The following SH3BP1 variants were observed in gnomAD, a reference collection of about 807,000 sequenced individuals.
SH3BP1 encodes the protein SH3 domain binding protein 1, also known as SH3 domain-binding protein 1.
Under a neutral mutation model 69.8 loss-of-function variants are expected in SH3BP1, and 46 were observed. That is an observed-to-expected ratio of 0.66 (90% CI 0.52 to 0.84). The LOEUF (loss-of-function observed/expected upper bound fraction) is 0.84. Among genes scored for constraint, SH3BP1 ranks in the 40% least tolerant of loss-of-function variants. The pLI, the probability that SH3BP1 is intolerant of heterozygous loss-of-function variation, is 0.00. For synonymous variants in SH3BP1, 403 were observed against 378.0 expected, an observed-to-expected ratio of 1.07 and a Z score of -0.77; for missense variants, 868 against 930.9, an observed-to-expected ratio of 0.93 and a Z score of 0.88.
Position 37,641,449 on chromosome 22 carries a change from C to T in SH3BP1, c.178C>T (p.Gln60Ter), listed in dbSNP as rs1426811096. ...HKRLQACLQG[Q>*]SGADMDKRVK... is the part of the protein sequence containing the mutation. ...GCGGCTGCAGGCCTGTCTGCAGGGC[C>T]AGAGCGGGGCAGACATGGACAAGCG... is the stretch of plus-strand genomic sequence containing the variant. The change falls in exon 3 of 18, where the codon CAG becomes TAG. Residue 60 changes from glutamine (Q) to a stop codon, truncating the protein, a stop_gained. Transcript: ENST00000649765. LOFTEE classifies it high-confidence loss of function. 6.4e-7 allele frequency: 1 copy of T among 1,551,106 alleles called. No individual in the cohort carries two copies. Among genetic ancestry groups the T allele is most frequent in the South Asian group, 1.2e-5 (1 of 84,060 alleles).
rs1182032777 is a variant in SH3BP1, at chr22:37,644,702, T to C, written c.684T>C (p.Ile228=). Residue 228 remains isoleucine (I), a synonymous_variant, in exon 8 of 18, where the codon ATT becomes ATC. Coordinates refer to ENST00000649765, the MANE Select transcript of SH3BP1 (RefSeq NM_018957.6). ...AGGACTCCTATGCCAACTACTTCAT[T>C]CGTGTGAGTCCAAGACCGGGCCCCA... ...TKEDSYANYF[I]RLLEIQADYH... is the part of the protein sequence containing the mutation. 6.2e-7 allele frequency: 1 copy of C among 1,614,040 alleles called. No homozygotes were observed. The highest frequency in any genetic ancestry group is 1.3e-5 in the African/African-American group (1 of 74,912).
At chr22:37,651,351 T>C (rs1056605347) in intron 16 of SH3BP1, among the ~76,000 whole-genome samples, 4 of 150,728 alleles carry the variant, frequency 2.7e-5, no homozygotes, top group East Asian at 3.9e-4. Context: ...TTTTTTTTTT[T>C]CTGAGATGGA....
chr22:37,654,701 TGAGA>T (rs1235553014), intron 17 of SH3BP1, among the ~76,000 whole-genome samples: 2 of 151,952 alleles, frequency 1.3e-5, no homozygotes, highest in African/African-American at 4.8e-5. Flanking sequence ...GCTGACCAGG[TGAGA>T]GAGTGACTGA....
At position 37,655,298 on chromosome 22, in the gene SH3BP1, A is replaced by G; in HGVS notation, c.1720A>G (p.Thr574Ala). 1 of 1,565,938 alleles carries G rather than the reference A, an allele frequency of 6.4e-7. No homozygotes were observed. Among genetic ancestry groups the G allele is most frequent in the Non-Finnish European group, 8.6e-7 (1 of 1,159,524 alleles). Residue 574 changes from threonine (T) to alanine (A), a missense_variant, in exon 18 of 18, where the codon ACC becomes GCC. Thr to Ala is a moderately conservative substitution (Grantham distance 58, BLOSUM62 0). Around this residue, in one of 3 missense-constraint regions of SH3BP1, gnomAD observed 474 missense variants for 462.3 expected, o/e 1.03. Coordinates refer to ENST00000649765, the MANE Select transcript of SH3BP1 (RefSeq NM_018957.6). Reference protein sequence around the residue: ...RTKRPAPARPTMPPPQVSGSR... With the variant: ...RTKRPAPARPAMPPPQVSGSR... The stretch of plus-strand genomic sequence containing the variant: ...CAAGCGCCCGGCGCCAGCCCGGCCC[A>G]CCATGCCGCCCCCCCAGGTCTCCGG...
At chr22:37,643,854 G>A (rs952370101) in intron 7 of SH3BP1, 66 bp downstream of exon 7, 3 of 1,587,174 alleles carry the variant, frequency 1.9e-6, no homozygotes, top group Admixed American at 3.4e-5. Context: ...CCATCTCACA[G>A]GCAAGGAAGC....
intron 11 of SH3BP1, 87 bp from the exon 12 acceptor site, chr22:37,647,180 G>A: frequency 1.7e-6 from 2 of 1,199,872 alleles, no homozygotes; most frequent in Non-Finnish European, 2.5e-6. Flanking sequence ...ACACGTTAGT[G>A]TGAACAAGGG....
chr22:37,645,277 C>T (rs1436093993), intron 9 of SH3BP1, 88 bp from the exon 10 acceptor site: 14 of 1,482,530 alleles, frequency 9.4e-6, no homozygotes, highest in Non-Finnish European at 1.2e-5. Context: ...GCAGGTGGTA[C>T]CACCTTGAGG....
At position 37,647,511 on chromosome 22, in the gene SH3BP1, A is replaced by G. The variant is rs1932805762; in HGVS notation, c.1189A>G (p.Ser397Gly). 6.2e-7 allele frequency: 1 copy of G among 1,603,194 alleles called. No individual in the cohort carries two copies. The change falls in exon 13 of 18, where the codon AGC (serine) becomes GGC (glycine). Residue 397 changes from serine to glycine, a missense_variant. By Grantham distance (56) the Ser-to-Gly change is moderately conservative. Around this residue, in one of 3 missense-constraint regions of SH3BP1, gnomAD observed 474 missense variants for 462.3 expected, o/e 1.03. Coordinates refer to ENST00000649765, the MANE Select transcript of SH3BP1 (RefSeq NM_018957.6). Reference sequence around the variant, plus strand: ...CAGCCGCCTACCCCCCGAGAACCTCAGCAACCTCAGGTGAGCCCGAGCCCG... The same window carrying G: ...CAGCCGCCTACCCCCCGAGAACCTCGGCAACCTCAGGTGAGCCCGAGCCCG... ...VCSRLPPENLSNLRYLMKFLA... is the reference protein window; with the variant it reads ...VCSRLPPENLGNLRYLMKFLA...
In SH3BP1 at chr22:37,655,413, G is replaced by A; in HGVS notation, c.1835G>A (p.Ser612Asn). ...GCCCTGCCCCGACGTCTGGTTGGCA[G>A]CAGCCTCCGAGCCCCCACAGTGCCA... ...PQALPRRLVG[S>N]SLRAPTVPPP... The change falls in exon 18 of 18, where the codon AGC becomes AAC. Residue 612 changes from serine to asparagine, a missense_variant. By Grantham distance (46) the Ser-to-Asn change is conservative. Coordinates refer to ENST00000649765, the MANE Select transcript of SH3BP1 (RefSeq NM_018957.6). The A allele has an allele frequency of 1.4e-6, 2 of 1,443,482 alleles. No homozygotes were observed. The highest frequency in any genetic ancestry group is 9.2e-7 in the Non-Finnish European group (1 of 1,083,968). The allele number at this position is 1,443,482 out of a possible 1,614,324, so 89.4% of individuals were successfully genotyped here.
At chr22:37,646,685 C>G in intron 10 of SH3BP1, 133 bp from the exon 11 acceptor site, 1 of 467,406 alleles carries the variant, frequency 2.1e-6, no homozygotes, top group Non-Finnish European at 3.7e-6. Context: ...ACCGTGGTGC[C>G]CACACTGCCA....
chr22:37,643,474 G>A (rs1932688861), intron 6 of SH3BP1, 170 bp from the exon 7 acceptor site: 2 of 910,794 alleles, frequency 2.2e-6, no homozygotes, highest in Admixed American at 5.2e-5. Flanking sequence ...GCCACCAGGG[G>A]GCAACCCAGA....
At chr22:37,644,549 G>A in intron 7 of SH3BP1, 88 bp from the exon 8 acceptor site, 2 of 1,267,886 alleles carry the variant, frequency 1.6e-6, no homozygotes, top group Non-Finnish European at 2.3e-6. Context: ...TGTGGCCTGG[G>A]GGAGGTCACC....
chr22:37,641,210 A>G (rs1601579851), intron 2 of SH3BP1, 42 bp downstream of exon 2: 2 of 1,540,452 alleles, frequency 1.3e-6, no homozygotes, highest in South Asian at 1.2e-5. Flanking sequence ...AGGCCTGTGC[A>G]GGCTGTCTCG....
At chr22:37,645,085 A>G (rs1367415111) in intron 9 of SH3BP1, 125 bp downstream of exon 9, 6 of 942,262 alleles carry the variant, frequency 6.4e-6, no homozygotes, top group Non-Finnish European at 8.1e-6. Context: ...GCTAGGCTCA[A>G]TCTGTGATGG....
In SH3BP1 at chr22:37,644,931, C is replaced by A. The variant is rs573023753; in HGVS notation, c.749C>A (p.Ala250Asp). 6.2e-7 allele frequency: 1 copy of A among 1,614,016 alleles called. No individual in the cohort carries two copies. Among genetic ancestry groups the A allele is most frequent in the South Asian group, 1.1e-5 (1 of 91,082 alleles). Residue 250 changes from alanine to aspartate, a missense_variant, in exon 9 of 18, where the codon GCT becomes GAT. Around this residue, in one of 3 missense-constraint regions of SH3BP1, gnomAD observed 387 missense variants for 447.9 expected, o/e 0.86. Coordinates refer to ENST00000649765, the MANE Select transcript of SH3BP1 (RefSeq NM_018957.6). Reference protein sequence around the residue: ...RSLSSLDTALAELRENHGQAD... With the variant: ...RSLSSLDTALDELRENHGQAD... ...CTGAGCTCGCTGGACACAGCCCTGG[C>A]TGAGCTGAGGGAGAACCACGGCCAA...
In SH3BP1 at chr22:37,642,398, C is replaced by T. The variant is rs921047978; in HGVS notation, c.208-141C>T. 7 of 722,716 alleles carry T rather than the reference C, an allele frequency of 9.7e-6. No individual in the cohort carries two copies. In the East Asian group the frequency reaches 1.9e-4, roughly 20 times the overall value. The allele number at this position is 722,716 out of a possible 1,614,324, so 44.8% of individuals were successfully genotyped here. A position where few individuals can be genotyped will look rare whatever the true frequency, so the allele number is the denominator to read the frequency against. On this transcript the variant is annotated intron_variant, in intron 3 of 17. Transcript: ENST00000649765. ...TCAGGGAAATGTCACCCCCACCACGCCTTGTCATCTTGTTTCCACTCTCAT... is the reference window on the plus strand; with the variant it reads ...TCAGGGAAATGTCACCCCCACCACGTCTTGTCATCTTGTTTCCACTCTCAT...
At chr22:37,644,108 G>A (rs1328608627) in intron 7 of SH3BP1, among the ~76,000 whole-genome samples, 5 of 152,194 alleles carry the variant, frequency 3.3e-5, no homozygotes, top group African/African-American at 4.8e-5. Context: ...GGCCAGGCGC[G>A]GTGGCTTACG....
chr22:37,641,124 A>T lies in SH3BP1; in HGVS notation c.60-2A>T. On this transcript the variant is annotated splice_acceptor_variant, in intron 1 of 17. Coordinates refer to ENST00000649765, the MANE Select transcript of SH3BP1 (RefSeq NM_018957.6). LOFTEE classifies it high-confidence loss of function. The stretch of plus-strand genomic sequence containing the variant: ...CCCCCCCCCCCCCACCACTCCCCGC[A>T]GCACCCCGGAGACCGCTGAGTTCCT... 1 of 739,846 alleles carries T rather than the reference A, an allele frequency of 1.4e-6. No homozygotes were observed. Among genetic ancestry groups the T allele is most frequent in the Non-Finnish European group, 2.1e-6 (1 of 468,938 alleles). 45.8% of individuals were successfully genotyped at this position (739,846 alleles called of 1,614,324 possible).
In SH3BP1 at chr22:37,648,434, G is replaced by A. The variant is rs757754035; in HGVS notation, c.1315G>A (p.Gly439Arg). 6 of 1,559,612 alleles carry A rather than the reference G, an allele frequency of 3.8e-6. No individual in the cohort carries two copies. Among genetic ancestry groups the A allele is most frequent in the African/African-American group, 1.3e-5 (1 of 74,170 alleles). ...PNLLWPPEKE[G>R]DQAQLDAASV... Reference sequence around the variant, plus strand: ...CTTGCTGTGGCCACCTGAGAAAGAAGGGTGAGGGGCCGCGGGCTGGGGGAG... The same window carrying A: ...CTTGCTGTGGCCACCTGAGAAAGAAAGGTGAGGGGCCGCGGGCTGGGGGAG... The change falls in exon 14 of 18, where the codon GGG becomes AGG. Residue 439 changes from glycine to arginine, a missense_variant and splice_region_variant. Physicochemically the swap from Gly to Arg is moderately radical, Grantham distance 125. Around this residue, in one of 3 missense-constraint regions of SH3BP1, gnomAD observed 474 missense variants for 462.3 expected, o/e 1.03. Transcript: ENST00000649765.
Sources: gnomAD v4.1 joint callset for allele counts (sites outside exome capture counted in the v4.1 genomes callset) on GRCh38, gnomAD v4.1.1 for gene constraint, gnomAD v4.1.1 regional missense constraint, MANE v1.5 for transcripts, NCBI Gene and HGNC (gene_info 2026-07-23, HGNC 2026-07-21) for gene names.